Variants in TAFA1 observed in about 807,000 individuals in gnomAD.
The protein encoded by TAFA1 is TAFA chemokine like family member 1.
Under a neutral mutation model 18.5 loss-of-function variants are expected in TAFA1, and 4 were observed. The ratio of observed to expected loss-of-function variants is 0.22; its 90% CI spans 0.11 to 0.49. The LOEUF (loss-of-function observed/expected upper bound fraction) is 0.49. Ranked by LOEUF, TAFA1 falls within the 20% of genes least tolerant of loss-of-function variation. The pLI is 0.98. For missense variants in TAFA1, 147 were observed against 169.0 expected (o/e 0.87, Z 0.72); for synonymous variants, 56 against 55.2 (o/e 1.01, Z -0.06).
At chr3:68,096,145 T>A (rs1469667358) in intron 2 of TAFA1, among the ~76,000 whole-genome samples, 1 of 152,140 alleles carries the variant, frequency 6.6e-6, no homozygotes, top group Non-Finnish European at 1.5e-5. Flanking sequence ...GAGATTAAAT[T>A]TTTTAGCTCT....
chr3:68,237,151 TG>T (rs2066937202), intron 2 of TAFA1, among the ~76,000 whole-genome samples: 2 of 152,202 alleles, frequency 1.3e-5, no homozygotes, highest in South Asian at 4.1e-4. Context: ...TTCTGGAGAC[TG>T]GCAAGTCCAT....
intron 2 of TAFA1, among the ~76,000 whole-genome samples, chr3:68,303,047 T>C (rs1418217383): frequency 6.6e-6 from 1 of 152,118 alleles, no homozygotes; most frequent in African/African-American, 2.4e-5. Flanking sequence ...TTCAAAGAAG[T>C]ATATGTCAAG....
chr3:68,055,885 C>G (rs532252642), intron 2 of TAFA1, among the ~76,000 whole-genome samples: 1 of 152,202 alleles, frequency 6.6e-6, no homozygotes, highest in African/African-American at 2.4e-5. Context: ...GATTTTCAGC[C>G]TGATCTTTTC....
intron 2 of TAFA1, among the ~76,000 whole-genome samples, chr3:68,186,401 A>G (rs1308752270): frequency 6.6e-6 from 1 of 152,020 alleles, no homozygotes; most frequent in African/African-American, 2.4e-5. Context: ...AAGCATTCCA[A>G]TGTGATGTTG....
intron 2 of TAFA1, among the ~76,000 whole-genome samples, chr3:68,323,990 C>T (rs373426980): frequency 9.9e-5 from 15 of 152,252 alleles, no homozygotes; most frequent in African/African-American, 3.1e-4. Context: ...CTTCATTCTC[C>T]GTAAATACCA....
intron 2 of TAFA1, among the ~76,000 whole-genome samples, chr3:68,070,015 G>A (rs904350033): frequency 6.6e-6 from 1 of 152,218 alleles, no homozygotes; most frequent in African/African-American, 2.4e-5. Flanking sequence ...GGTGCAAGGT[G>A]TCAGTGGCTC....
At chr3:68,254,849 A>G (rs1410595040) in intron 2 of TAFA1, among the ~76,000 whole-genome samples, 1 of 152,142 alleles carries the variant, frequency 6.6e-6, no homozygotes, top group Non-Finnish European at 1.5e-5. Context: ...AGAATGCTAA[A>G]TTAATCCTGC....
intron 3 of TAFA1, among the ~76,000 whole-genome samples, chr3:68,468,146 T>C (rs766319022): frequency 6.6e-6 from 1 of 152,128 alleles, no homozygotes; most frequent in Non-Finnish European, 1.5e-5. Flanking sequence ...AACCAAGAGA[T>C]AGTGATAGGT....
At chr3:68,202,274 A>C (rs967142607) in intron 2 of TAFA1, among the ~76,000 whole-genome samples, 11 of 151,686 alleles carry the variant, frequency 7.3e-5, no homozygotes, top group Non-Finnish European at 1.6e-4. Flanking sequence ...TCTTGTAAAC[A>C]ACATCTAGTT....
chr3:68,065,765 T>TACAC (rs57317058), intron 2 of TAFA1, among the ~76,000 whole-genome samples: 6 of 60,130 alleles, frequency 1.0e-4, no homozygotes, highest in African/African-American at 2.8e-4. Flanking sequence ...TATATATATA[T>TACAC]ACACACACAT....
chr3:68,374,442 A>G (rs182745300), intron 2 of TAFA1, among the ~76,000 whole-genome samples: 80 of 152,304 alleles, frequency 5.3e-4, no homozygotes, highest in South Asian at 1.0e-3. Flanking sequence ...TGTTATCTAT[A>G]TATACTGATA....
At chr3:68,508,871 G>T (rs1036122724) in intron 3 of TAFA1, among the ~76,000 whole-genome samples, 1 of 151,986 alleles carries the variant, frequency 6.6e-6, no homozygotes, top group Admixed American at 6.6e-5. Flanking sequence ...ACTAGAAGAA[G>T]ATGAGAAGGC....
At chr3:68,107,407 G>A (rs2065215966) in intron 2 of TAFA1, among the ~76,000 whole-genome samples, 1 of 152,052 alleles carries the variant, frequency 6.6e-6, no homozygotes, top group African/African-American at 2.4e-5. Flanking sequence ...ACTGGTGAAT[G>A]GATAAACAAA....
At chr3:68,361,063 C>G (rs1195139527) in intron 2 of TAFA1, among the ~76,000 whole-genome samples, 1 of 151,840 alleles carries the variant, frequency 6.6e-6, no homozygotes, top group African/African-American at 2.4e-5. Context: ...AAAGGATGAC[C>G]TCACACTGGC....
intron 3 of TAFA1, among the ~76,000 whole-genome samples, chr3:68,429,941 G>A (rs530180159): frequency 2.6e-5 from 4 of 151,978 alleles, no homozygotes; most frequent in Admixed American, 6.6e-5. Context: ...CTTTGCTAGA[G>A]AGACTTACTC....
intron 3 of TAFA1, among the ~76,000 whole-genome samples, chr3:68,534,744 T>C (rs563403978): frequency 6.6e-6 from 1 of 152,162 alleles, no homozygotes; most frequent in Non-Finnish European, 1.5e-5. Context: ...TTTTCCCTAA[T>C]GTCTACATTT....
intron 2 of TAFA1, among the ~76,000 whole-genome samples, chr3:68,177,418 TG>T (rs1201133156): frequency 1.3e-5 from 2 of 152,206 alleles, no homozygotes; most frequent in Non-Finnish European, 2.9e-5. Context: ...CCTGGAATTC[TG>T]TGCTTCTTCA....
chr3:68,370,223 G>A (rs2069654083), intron 2 of TAFA1, among the ~76,000 whole-genome samples: 2 of 132,862 alleles, frequency 1.5e-5, no homozygotes, highest in South Asian at 5.0e-4. Flanking sequence ...GGGAGGCGGA[G>A]GTTGCAGTGA....
chr3:68,028,751 A>T (rs796991422), intron 2 of TAFA1, among the ~76,000 whole-genome samples: 4 of 148,040 alleles, frequency 2.7e-5, no homozygotes, highest in African/African-American at 7.5e-5. Context: ...TTTTTTTAAA[A>T]TTTTTTTTTT....
Sources: allele counts gnomAD v4.1 joint callset (sites outside exome capture counted in the v4.1 genomes callset), GRCh38; gene constraint gnomAD v4.1.1; transcripts MANE v1.5; gene names NCBI Gene and HGNC (gene_info 2026-07-23, HGNC 2026-07-21).